Variants in BMP2K observed in about 807,000 individuals in gnomAD.
BMP2K encodes the protein BMP2 inducible kinase.
In BMP2K, 74 loss-of-function variants were observed where a neutral mutation model predicts 116.0. That is an observed-to-expected ratio of 0.64 (90% CI 0.53 to 0.77). The LOEUF is 0.77. BMP2K is among the 30% of genes least tolerant of loss of function. BMP2K has a pLI of 0.00. For synonymous variants in BMP2K, 486 were observed against 502.5 expected (o/e 0.97, Z 0.44); for missense variants, 1,365 against 1,403.6 (o/e 0.97, Z 0.44).
intron 6 of BMP2K, among the ~76,000 whole-genome samples, chr4:78,847,598 G>A (rs185745029): frequency 1.3e-5 from 2 of 151,580 alleles, no homozygotes; most frequent in Admixed American, 6.6e-5. Context: ...GGAAAAGCTG[G>A]ACATAACTCT....
At chr4:78,834,045 A>G (rs1211587016) in intron 3 of BMP2K, among the ~76,000 whole-genome samples, 1 of 152,108 alleles carries the variant, frequency 6.6e-6, no homozygotes. Flanking sequence ...GAACTCTACT[A>G]CGTTATTGTA....
chr4:78,819,605 T>C (rs892367901), intron 1 of BMP2K, among the ~76,000 whole-genome samples: 1 of 152,188 alleles, frequency 6.6e-6, no homozygotes, highest in Admixed American at 6.5e-5. Context: ...ATAAGGAAAC[T>C]GGGGCTCAGA....
chr4:78,783,185 C>T (rs1231485601), intron 1 of BMP2K, among the ~76,000 whole-genome samples: 1 of 151,932 alleles, frequency 6.6e-6, no homozygotes, highest in African/African-American at 2.4e-5. Context: ...ATTATGTGTC[C>T]CTCAGCCATA....
chr4:78,786,827 G>A (rs1169916334), intron 1 of BMP2K, among the ~76,000 whole-genome samples: 1 of 152,016 alleles, frequency 6.6e-6, no homozygotes, highest in African/African-American at 2.4e-5. Flanking sequence ...AAATAGCTTT[G>A]TTCTATTCTA....
In BMP2K at chr4:78,912,020, C is replaced by A; in HGVS notation, c.3473C>A (p.Pro1158His). 5.6e-6 allele frequency: 9 copies of A among 1,607,914 alleles called. No homozygotes were observed. The highest frequency in any genetic ancestry group is 7.7e-6 in the Non-Finnish European group (9 of 1,176,150). ...ELDPFGAAPFPSKQ is the reference protein window; with the variant it reads ...ELDPFGAAPFHSKQ The stretch of plus-strand genomic sequence containing the variant: ...GACCCATTTGGTGCTGCTCCATTTC[C>A]TTCTAAACAGTAGATACTTCTGATG... Residue 1158 changes from proline (P) to histidine (H), a missense_variant, in exon 16 of 16, where the codon CCT (proline) becomes CAT (histidine). By Grantham distance (77) the Pro-to-His change is moderately conservative. This residue lies in a region of BMP2K where 596 missense variants were observed against 623.2 expected (regional missense o/e 0.96). Coordinates refer to ENST00000502613, the MANE Select transcript of BMP2K (RefSeq NM_198892.2).
In BMP2K at chr4:78,913,216, CCTG is replaced by C. The variant is rs1170075395; in HGVS notation, c.*1188_*1190del. 1 of 152,068 alleles carries C rather than the reference CCTG, an allele frequency of 6.6e-6. No homozygotes were observed. The highest frequency in any genetic ancestry group is 1.9e-4 in the East Asian group (1 of 5,196). 9.4% of individuals were successfully genotyped at this position (152,068 alleles called of 1,614,324 possible). A position where few individuals can be genotyped will look rare whatever the true frequency, so the allele number is the denominator to read the frequency against. On this transcript the variant is annotated 3_prime_UTR_variant, in exon 16 of 16. Transcript: ENST00000502613. ...TTATATAAAGGCAGGATTCATGCAT[CCTG>C]CTGCAAGTACCTCTGCACTAATATA... is the stretch of plus-strand genomic sequence containing the variant.
chr4:78,877,112 G>C (rs932979192), intron 13 of BMP2K, among the ~76,000 whole-genome samples: 2 of 152,048 alleles, frequency 1.3e-5, no homozygotes, highest in African/African-American at 4.8e-5. Context: ...AAGTTTTTCT[G>C]GGTGGGTCAA....
In BMP2K at chr4:78,847,228, C is replaced by G. The variant is rs1277252748; in HGVS notation, c.709C>G (p.Leu237Val). 1.3e-6 allele frequency: 2 copies of G among 1,589,796 alleles called. No homozygotes were observed. The highest frequency in any genetic ancestry group is 1.7e-6 in the Non-Finnish European group (2 of 1,166,808). ...LSYRAPEMIN[L>V]YGGKPITTKA... Reference sequence around the variant, plus strand: ...ATACAGAGCCCCTGAAATGATCAACCTTTATGGAGGGAAACCCATCACCAC... The same window carrying G: ...ATACAGAGCCCCTGAAATGATCAACGTTTATGGAGGGAAACCCATCACCAC... The change falls in exon 6 of 16, where the codon CTT (leucine) becomes GTT (valine). Residue 237 changes from leucine to valine, a missense_variant. Coordinates refer to ENST00000502613, the MANE Select transcript of BMP2K (RefSeq NM_198892.2).
At chr4:78,896,016 C>G (rs934382635) in intron 15 of BMP2K, among the ~76,000 whole-genome samples, 1 of 152,296 alleles carries the variant, frequency 6.6e-6, no homozygotes, top group South Asian at 2.1e-4. Flanking sequence ...GCCTTGGCCT[C>G]CCACAATGCT....
rs140329975 is a variant in BMP2K, at chr4:78,850,026, T to A, written c.751-898T>A. 3.3e-5 allele frequency among the ~76,000 whole-genome samples: 5 copies of A among 151,912 alleles called. No homozygotes were observed. In the East Asian group the frequency reaches 9.7e-4, roughly 29 times the overall value. ...AGGCCAAGTTTCGGTATTGCTGATA[T>A]AAGTGTATACTAACTTGGACAATTT... On this transcript the variant is annotated intron_variant, in intron 6 of 15. Transcript: ENST00000502613.
At chr4:78,849,210 A>G (rs904833312) in intron 6 of BMP2K, among the ~76,000 whole-genome samples, 1 of 151,352 alleles carries the variant, frequency 6.6e-6, no homozygotes, top group African/African-American at 2.4e-5. Context: ...GGTAACATAA[A>G]GAAATGCTTT....
intron 1 of BMP2K, among the ~76,000 whole-genome samples, chr4:78,785,990 T>C (rs1320136088): frequency 6.6e-6 from 1 of 152,178 alleles, no homozygotes; most frequent in African/African-American, 2.4e-5. Flanking sequence ...TCCAGTTCAG[T>C]ATGACCTCCA....
rs749741547 is a variant in BMP2K at position 78,865,701 on chromosome 4, C to T, written c.1212C>T (p.Phe404=). The change falls in exon 10 of 16, where the codon TTC becomes TTT. Residue 404 remains phenylalanine, a synonymous_variant. Coordinates refer to ENST00000502613, the MANE Select transcript of BMP2K (RefSeq NM_198892.2). The part of the protein sequence containing the change: ...TPVKVLAPGE[F]GNHRPKGALR... ...TTAAAGTCCTTGCTCCTGGTGAATT[C>T]GGTAACCATAGACCAAAAGGTAATA... 8 of 1,613,916 alleles carry T rather than the reference C, an allele frequency of 5.0e-6. No homozygotes were observed. The highest frequency in any genetic ancestry group is 2.2e-5 in the East Asian group (1 of 44,872).
At chr4:78,821,747 T>C (rs1175729973) in intron 1 of BMP2K, among the ~76,000 whole-genome samples, 1 of 152,162 alleles carries the variant, frequency 6.6e-6, no homozygotes, top group African/African-American at 2.4e-5. Context: ...TTCTACTCCT[T>C]TGGGTACCTC....
chr4:78,826,625 A>G (rs1391997058), intron 2 of BMP2K, among the ~76,000 whole-genome samples: 2 of 152,160 alleles, frequency 1.3e-5, no homozygotes, highest in Non-Finnish European at 2.9e-5. Context: ...TTAGTCTTCT[A>G]TGGCGATTTG....
intron 2 of BMP2K, among the ~76,000 whole-genome samples, chr4:78,830,773 C>A (rs1730171154): frequency 6.6e-6 from 1 of 152,232 alleles, no homozygotes; most frequent in Non-Finnish European, 1.5e-5. Context: ...ACTTCTTCAG[C>A]CTTCATAGAA....
At chr4:78,807,823 T>C (rs1015902638) in intron 1 of BMP2K, among the ~76,000 whole-genome samples, 8 of 152,108 alleles carry the variant, frequency 5.3e-5, no homozygotes, top group Non-Finnish European at 8.8e-5. Context: ...AATTGCCTTA[T>C]AATCCTTTTG....
intron 15 of BMP2K, among the ~76,000 whole-genome samples, chr4:78,893,018 A>G (rs1453127979): frequency 6.6e-6 from 1 of 152,208 alleles, no homozygotes; most frequent in Non-Finnish European, 1.5e-5. Context: ...ACTCTTCATG[A>G]AAGACTTCTC....
At chr4:78,879,715 G>A (rs1336691055) in intron 14 of BMP2K, 1 of 152,090 alleles carries the variant, frequency 6.6e-6, no homozygotes, top group East Asian at 1.9e-4. Context: ...GTGAAAAGAA[G>A]GTCTTAATAA....
Sources: allele counts gnomAD v4.1 joint callset (sites outside exome capture counted in the v4.1 genomes callset), GRCh38; gene constraint gnomAD v4.1.1; regional missense constraint gnomAD v4.1.1; transcripts MANE v1.5; gene names NCBI Gene and HGNC (gene_info 2026-07-23, HGNC 2026-07-21).